TBX19: variants seen among roughly 807,000 people sequenced by gnomAD.
The protein encoded by TBX19 is T-box transcription factor 19.
In TBX19, 33 loss-of-function variants were observed where a neutral mutation model predicts 40.9. That is an observed-to-expected ratio of 0.81 (90% CI 0.61 to 1.08). The LOEUF (loss-of-function observed/expected upper bound fraction) is 1.08. TBX19 is among the 50% of genes least tolerant of loss of function. The pLI, the probability that TBX19 is intolerant of heterozygous loss-of-function variation, is 0.00. For missense variants in TBX19, 494 were observed against 574.0 expected (o/e 0.86, Z 1.42); for synonymous variants, 220 against 225.0 (o/e 0.98, Z 0.20).
chr1:168,288,791 C>T (rs2300578), intron 1 of TBX19, among the ~76,000 whole-genome samples: 78,870 of 151,340 alleles, frequency 0.52, 21,791 homozygotes, highest in Non-Finnish European at 0.63. Flanking sequence ...GACACAGTCT[C>T]ACTCTATCAC....
intron 1 of TBX19, among the ~76,000 whole-genome samples, chr1:168,290,074 A>T (rs1189231752): frequency 2.0e-5 from 3 of 152,100 alleles, no homozygotes; most frequent in African/African-American, 7.2e-5. Flanking sequence ...CACATCTGTA[A>T]TCCCAGCTAC....
chr1:168,280,878 C>T lies in TBX19; in HGVS notation c.-213C>T, dbSNP rs544236100. 1.2e-4 allele frequency among the ~76,000 whole-genome samples: 19 copies of T among 152,258 alleles called. No individual in the cohort carries two copies. The highest frequency in any genetic ancestry group is 4.3e-4 in the African/African-American group (18 of 41,550). ...CTTCCCTACCTCTCCCCTGCCTCCACCCCGCTCCCCAACTAAAGCTTAACA... is the reference window on the plus strand; with the variant it reads ...CTTCCCTACCTCTCCCCTGCCTCCATCCCGCTCCCCAACTAAAGCTTAACA... On this transcript the variant is annotated 5_prime_UTR_variant, in exon 1 of 8. Coordinates refer to ENST00000367821, the MANE Select transcript of TBX19 (RefSeq NM_005149.3).
intron 2 of TBX19, among the ~76,000 whole-genome samples, chr1:168,292,292 A>G (rs1648960168): frequency 6.6e-6 from 1 of 152,198 alleles, no homozygotes; most frequent in African/African-American, 2.4e-5. Context: ...CGGGAAATTG[A>G]ACAGTAAATT....
chr1:168,291,538 C>T (rs1648944502), intron 2 of TBX19, 114 bp downstream of exon 2: 1 of 1,424,500 alleles, frequency 7.0e-7, no homozygotes, highest in Non-Finnish European at 9.8e-7. Flanking sequence ...GCCTCTTCTC[C>T]CACAGAAGCC....
At chr1:168,304,019 T>C (rs977934130) in intron 5 of TBX19, among the ~76,000 whole-genome samples, 1 of 152,194 alleles carries the variant, frequency 6.6e-6, no homozygotes, top group African/African-American at 2.4e-5. Context: ...TCTTATCCTG[T>C]GACTAAGAAT....
chr1:168,294,278 A>G (rs904122254), intron 3 of TBX19, among the ~76,000 whole-genome samples: 3 of 151,968 alleles, frequency 2.0e-5, no homozygotes, highest in Admixed American at 6.5e-5. Context: ...TTGTATGAAT[A>G]CACTATTTCA....
At chr1:168,301,477 G>A (rs535233759) in intron 5 of TBX19, among the ~76,000 whole-genome samples, 79 of 152,064 alleles carry the variant, frequency 5.2e-4, no homozygotes, top group African/African-American at 1.9e-3. Context: ...AGGCCAGGCT[G>A]GTCTTGAACT....
chr1:168,289,922 G>T (rs754032594), intron 1 of TBX19, among the ~76,000 whole-genome samples: 1 of 152,162 alleles, frequency 6.6e-6, no homozygotes, highest in African/African-American at 2.4e-5. Context: ...GGCCAAGCAT[G>T]GTGGCTCACA....
intron 5 of TBX19, among the ~76,000 whole-genome samples, chr1:168,303,783 C>A (rs114031826): frequency 2.0e-5 from 3 of 152,132 alleles, no homozygotes; most frequent in Admixed American, 1.3e-4. Context: ...CTTTTTAGAC[C>A]GCATAGGGTA....
intron 1 of TBX19, among the ~76,000 whole-genome samples, chr1:168,285,261 TCACACACACA>T (rs36217752): frequency 0.017 from 2,464 of 148,112 alleles, 37 homozygotes; most frequent in African/African-American, 0.04. Flanking sequence ...ACCATGTATG[TCACACACACA>T]CACACACACA....
chr1:168,282,566 A>G (rs1410823690), intron 1 of TBX19, among the ~76,000 whole-genome samples: 1 of 152,150 alleles, frequency 6.6e-6, no homozygotes, highest in African/African-American at 2.4e-5. Flanking sequence ...TAATATTGTT[A>G]CTGTAATTAT....
At chr1:168,298,012 T>A (rs1250864318) in intron 4 of TBX19, among the ~76,000 whole-genome samples, 1 of 151,786 alleles carries the variant, frequency 6.6e-6, no homozygotes, top group Non-Finnish European at 1.5e-5. Context: ...CTGGCTAACA[T>A]GGTGAAACCC....
In TBX19 at chr1:168,314,149, T is replaced by C; in HGVS notation, c.*1147T>C. 6.5e-6 allele frequency: 1 copy of C among 153,030 alleles called. No homozygotes were observed. Among genetic ancestry groups the C allele is most frequent in the Non-Finnish European group, 1.5e-5 (1 of 68,266 alleles). 9.5% of individuals were successfully genotyped at this position (153,030 alleles called of 1,614,324 possible). A position where few individuals can be genotyped will look rare whatever the true frequency, so the allele number is the denominator to read the frequency against. On this transcript the variant is annotated 3_prime_UTR_variant, in exon 8 of 8. Coordinates refer to ENST00000367821, the MANE Select transcript of TBX19 (RefSeq NM_005149.3). Reference sequence around the variant, plus strand: ...TTCACCTGTGCGAATCCGACCCACCTCCCAGAGCCTGGCTGAAACGTCACT... The same window carrying C: ...TTCACCTGTGCGAATCCGACCCACCCCCCAGAGCCTGGCTGAAACGTCACT...
At position 168,313,321 on chromosome 1, in the gene TBX19, A is replaced by G; in HGVS notation, c.*319A>G. On this transcript the variant is annotated 3_prime_UTR_variant, in exon 8 of 8. Coordinates refer to ENST00000367821, the MANE Select transcript of TBX19 (RefSeq NM_005149.3). ...TTCTCAAATCGTTCTGGAAAGCCTC[A>G]CTTCCTTTTCTGTGGAGAAGGTGCA... The G allele has an allele frequency of 2.4e-6, 1 of 415,078 alleles. No individual in the cohort carries two copies. Among genetic ancestry groups the G allele is most frequent in the Non-Finnish European group, 4.5e-6 (1 of 223,382 alleles). 25.7% of individuals were successfully genotyped at this position (415,078 alleles called of 1,614,324 possible).
intron 5 of TBX19, 139 bp from the exon 6 acceptor site, chr1:168,304,869 C>T (rs1013151137): frequency 2.2e-6 from 2 of 889,876 alleles, no homozygotes; most frequent in Admixed American, 2.0e-5. Flanking sequence ...ATGGTACCAC[C>T]ACACAGGCTG....
At chr1:168,292,791 G>A (rs899361032) in intron 2 of TBX19, among the ~76,000 whole-genome samples, 1 of 151,078 alleles carries the variant, frequency 6.6e-6, no homozygotes, top group Non-Finnish European at 1.5e-5. Flanking sequence ...GTGAACCCGG[G>A]AGGCGGAGCT....
chr1:168,285,556 A>G (rs1488969778), intron 1 of TBX19, among the ~76,000 whole-genome samples: 3 of 152,184 alleles, frequency 2.0e-5, no homozygotes, highest in Non-Finnish European at 4.4e-5. Flanking sequence ...TAAAAGCCCA[A>G]CAGTTTATGG....
intron 4 of TBX19, among the ~76,000 whole-genome samples, chr1:168,298,849 TTC>T (rs1649192994): frequency 1.2e-5 from 1 of 85,224 alleles, no homozygotes; most frequent in Non-Finnish European, 2.0e-5. Flanking sequence ...CTTTCTTTCT[TTC>T]TTTCTTTCTT....
At chr1:168,305,250 C>T in intron 6 of TBX19, 54 bp downstream of exon 6, 1 of 1,563,198 alleles carries the variant, frequency 6.4e-7, no homozygotes. Context: ...TGGGGGCAGT[C>T]AGGAGAAATG....
Sources: gnomAD v4.1 joint callset for allele counts (sites outside exome capture counted in the v4.1 genomes callset) on GRCh38, gnomAD v4.1.1 for gene constraint, MANE v1.5 for transcripts, NCBI Gene and HGNC (gene_info 2026-07-23, HGNC 2026-07-21) for gene names.